The following DGKB variants were observed in gnomAD, a reference collection of about 807,000 sequenced individuals.
DGKB encodes the protein 90 kDa diacylglycerol kinase.
A neutral mutation model predicts 114.3 loss-of-function variants in DGKB; 67 were observed. The ratio of observed to expected loss-of-function variants is 0.59; its 90% CI spans 0.48 to 0.72. The LOEUF (loss-of-function observed/expected upper bound fraction) is 0.72, where lower values mean the gene tolerates loss of function less well. Among genes scored for constraint, DGKB ranks in the 30% least tolerant of loss-of-function variants. DGKB has a pLI of 0.00. For synonymous variants in DGKB, 398 were observed against 323.1 expected (o/e 1.23, Z -2.49); for missense variants, 907 against 975.2 (o/e 0.93, Z 0.93).
At chr7:14,305,563 T>C (rs1156775616) in intron 23 of DGKB, among the ~76,000 whole-genome samples, 1 of 152,148 alleles carries the variant, frequency 6.6e-6, no homozygotes, top group Non-Finnish European at 1.5e-5. Flanking sequence ...TATTCAGGGC[T>C]GGAATTCAAA....
At chr7:14,599,019 A>G (rs985136826) in intron 17 of DGKB, among the ~76,000 whole-genome samples, 1 of 152,324 alleles carries the variant, frequency 6.6e-6, no homozygotes, top group Non-Finnish European at 1.5e-5. Context: ...TGTTTAAAGA[A>G]CATTGGAAAA....
intron 6 of DGKB, 28 bp downstream of exon 6, chr7:14,718,514 T>C (rs1828591035): frequency 1.3e-6 from 2 of 1,592,238 alleles, no homozygotes; most frequent in East Asian, 2.3e-5. Flanking sequence ...CCAATCACGA[T>C]AAGTAAACAA....
intron 1 of DGKB, among the ~76,000 whole-genome samples, chr7:14,856,982 C>T (rs1297177312): frequency 2.6e-5 from 4 of 152,120 alleles, no homozygotes; most frequent in Non-Finnish European, 1.5e-5. Context: ...AAACCTGAAA[C>T]ATGTTCCTGA....
intron 1 of DGKB, among the ~76,000 whole-genome samples, chr7:14,858,177 A>C (rs1447351756): frequency 6.6e-6 from 1 of 152,130 alleles, no homozygotes; most frequent in Admixed American, 6.6e-5. Context: ...CCTGGAACCA[A>C]TTTTAGGGCT....
intron 9 of DGKB, among the ~76,000 whole-genome samples, chr7:14,693,312 C>G (rs1479104151): frequency 6.6e-6 from 1 of 152,020 alleles, no homozygotes; most frequent in African/African-American, 2.4e-5. Flanking sequence ...CTGGCATACA[C>G]TATAGATTTC....
At chr7:14,262,547 G>A (rs1422498476) in intron 23 of DGKB, among the ~76,000 whole-genome samples, 1 of 152,090 alleles carries the variant, frequency 6.6e-6, no homozygotes, top group African/African-American at 2.4e-5. Context: ...AAATTATGCT[G>A]TTTAAAAGCC....
chr7:14,867,601 T>G (rs2128190246), intron 1 of DGKB, among the ~76,000 whole-genome samples: 1 of 152,318 alleles, frequency 6.6e-6, no homozygotes, highest in East Asian at 1.9e-4. Flanking sequence ...TGCTGCATAC[T>G]GTTTGTGAAA....
chr7:14,815,232 A>G (rs974654986), intron 2 of DGKB: 6 of 152,180 alleles, frequency 3.9e-5, no homozygotes, highest in Non-Finnish European at 7.3e-5. Flanking sequence ...AATGTCAGCA[A>G]TCTCTTCTGT....
chr7:14,853,854 C>G (rs1379996245), intron 1 of DGKB, among the ~76,000 whole-genome samples: 3 of 125,440 alleles, frequency 2.4e-5, no homozygotes, highest in African/African-American at 3.1e-5. Flanking sequence ...GGCGACAGAC[C>G]GAGACTCCGT....
intron 1 of DGKB, among the ~76,000 whole-genome samples, chr7:14,934,432 CT>C (rs1370414061): frequency 1.3e-5 from 2 of 152,190 alleles, no homozygotes; most frequent in African/African-American, 4.8e-5. Context: ...TCTGTGAGTG[CT>C]GGAGTACTTG....
At chr7:14,876,202 A>G (rs1437628602) in intron 1 of DGKB, among the ~76,000 whole-genome samples, 4 of 152,008 alleles carry the variant, frequency 2.6e-5, no homozygotes, top group African/African-American at 9.7e-5. Flanking sequence ...GCCTTTTTCT[A>G]TGGCAGTGAC....
chr7:14,260,106 ATG>A (rs1378548187), intron 23 of DGKB, among the ~76,000 whole-genome samples: 3 of 32,870 alleles, frequency 9.1e-5, no homozygotes, highest in African/African-American at 5.5e-4. Flanking sequence ...ACACACACAC[ATG>A]AACACACACA....
Position 14,931,214 on chromosome 7 carries a change from C to A in DGKB, c.-188+43482G>T, listed in dbSNP as rs367931174. Among the ~76,000 whole-genome samples the A allele has an allele frequency of 2.0e-4, 30 of 151,362 alleles. No homozygotes were observed. In the East Asian group the frequency reaches 4.5e-3, roughly 23 times the overall value. On this transcript the variant is annotated intron_variant, in intron 1 of 4. Coordinates refer to the DGKB transcript ENST00000437998. ...GCAACCTCCGCCTCCTGAGTTCAAG[C>A]GATTCTCCTGCCTCAGCCTCCTGAG...
At chr7:14,403,531 A>AC (rs367730326) in intron 21 of DGKB, among the ~76,000 whole-genome samples, 16 of 150,464 alleles carry the variant, frequency 1.1e-4, no homozygotes, top group East Asian at 2.0e-4. Context: ...TTTAAAAAAA[A>AC]CCCCAAATGC....
intron 23 of DGKB, among the ~76,000 whole-genome samples, chr7:14,197,771 C>T (rs1785234409): frequency 6.6e-6 from 1 of 152,056 alleles, no homozygotes; most frequent in East Asian, 1.9e-4. Flanking sequence ...TCTCAAATAA[C>T]AATTGTACAG....
intron 25 of DGKB, among the ~76,000 whole-genome samples, chr7:14,151,684 T>C (rs967492170): frequency 2.6e-5 from 4 of 152,100 alleles, no homozygotes; most frequent in Admixed American, 1.3e-4. Flanking sequence ...AGTACACAAC[T>C]GTTTCTTTAC....
At chr7:14,851,135 G>T (rs1215942921) in intron 1 of DGKB, among the ~76,000 whole-genome samples, 1 of 152,050 alleles carries the variant, frequency 6.6e-6, no homozygotes, top group Admixed American at 6.6e-5. Context: ...CATATACGGG[G>T]GAAAAGATTG....
intron 23 of DGKB, among the ~76,000 whole-genome samples, chr7:14,183,545 A>G (rs1782948672): frequency 6.6e-6 from 1 of 152,206 alleles, no homozygotes. Context: ...TATCTACTAT[A>G]TGCCTGCTAT....
At chr7:14,967,279 T>G (rs1223233471) in intron 1 of DGKB, among the ~76,000 whole-genome samples, 1 of 152,004 alleles carries the variant, frequency 6.6e-6, no homozygotes, top group Non-Finnish European at 1.5e-5. Context: ...TCACAGCACA[T>G]CCTAAAGAAC....
Sources: allele counts gnomAD v4.1 joint callset (sites outside exome capture counted in the v4.1 genomes callset), GRCh38; gene constraint gnomAD v4.1.1; transcripts MANE v1.5; gene names NCBI Gene and HGNC (gene_info 2026-07-23, HGNC 2026-07-21).